PVT1: variants seen among roughly 807,000 people sequenced by gnomAD.
PVT1 encodes the protein Pvt1 oncogene.
chr8:127,893,287 T>A (rs923412341), intron 3 of PVT1, among the ~76,000 whole-genome samples: 2 of 151,858 alleles, frequency 1.3e-5, no homozygotes, highest in Non-Finnish European at 2.9e-5. Flanking sequence ...GTTTTTGTTG[T>A]TTTTTTTGAG....
chr8:127,959,428 T>C (rs2129942015), intron 3 of PVT1, among the ~76,000 whole-genome samples: 1 of 151,810 alleles, frequency 6.6e-6, no homozygotes, highest in African/African-American at 2.4e-5. Flanking sequence ...CTACTAAAAA[T>C]ACAAAAATTA....
In PVT1 at chr8:127,853,924, C is replaced by T. The variant is rs574860200; in HGVS notation, n.373-36665C>T. ...AGCTTTTCACTGACCCTTCCTTTAC[C>T]CCCGCCCCCATCCCGTGGCCCTTGC... On this transcript the variant is annotated intron_variant and non_coding_transcript_variant, in intron 2 of 10. Coordinates refer to ENST00000651587, the Ensembl canonical transcript of PVT1. 1.8e-4 allele frequency among the ~76,000 whole-genome samples: 27 copies of T among 152,298 alleles called. 1 individual carries two copies. In the South Asian group the frequency reaches 5.6e-3, roughly 32 times the overall value.
chr8:127,950,808 C>T (rs1816497295), intron 3 of PVT1, among the ~76,000 whole-genome samples: 1 of 152,228 alleles, frequency 6.6e-6, no homozygotes, highest in African/African-American at 2.4e-5. Context: ...GCTAACAGCT[C>T]AGTCTGCTCA....
intron 3 of PVT1, among the ~76,000 whole-genome samples, chr8:127,954,037 C>G (rs1816539514): frequency 6.6e-6 from 1 of 152,136 alleles, no homozygotes; most frequent in Non-Finnish European, 1.5e-5. Context: ...TAAGGCACAA[C>G]CATATGCAAA....
intron 4 of PVT1, among the ~76,000 whole-genome samples, chr8:128,027,648 T>G (rs1813327444): frequency 6.6e-6 from 1 of 152,178 alleles, no homozygotes. Context: ...GAAGAGACCC[T>G]GGGTTCTTGC....
At chr8:127,852,896 G>A (rs544709347) in intron 2 of PVT1, among the ~76,000 whole-genome samples, 38 of 152,280 alleles carry the variant, frequency 2.5e-4, no homozygotes, top group African/African-American at 7.5e-4. Flanking sequence ...CCTCTGTGGC[G>A]CCTTGCACTG....
At chr8:127,814,574 A>G (rs1814637954) in intron 2 of PVT1, among the ~76,000 whole-genome samples, 1 of 152,202 alleles carries the variant, frequency 6.6e-6, no homozygotes, top group African/African-American at 2.4e-5. Flanking sequence ...CTTTGAGGGG[A>G]CTGACAGGAT....
rs1211112573 is a variant in PVT1, at chr8:127,970,290, T to TG, written n.783-18872_783-18871insG. 3.1e-3 allele frequency among the ~76,000 whole-genome samples: 213 copies of TG among 69,334 alleles called. 5 individuals are homozygous for TG. The highest frequency in any genetic ancestry group is 0.014 in the African/African-American group (200 of 14,642). 45.5% of individuals were successfully genotyped at this position (69,334 alleles called of 152,430 possible). On this transcript the variant is annotated intron_variant and non_coding_transcript_variant, in intron 3 of 10. Transcript: ENST00000651587. ...ATTCCTCTCCATCTGCCATGATTTG[T>TG]TTTTTTTTTTTTTTTTTTTTTTTTT...
intron 4 of PVT1, among the ~76,000 whole-genome samples, chr8:127,991,274 C>T (rs1817037437): frequency 6.6e-6 from 1 of 151,756 alleles, no homozygotes; most frequent in Admixed American, 6.6e-5. Flanking sequence ...TCTTGAGTAG[C>T]TGGGACTACA....
intron 2 of PVT1, among the ~76,000 whole-genome samples, chr8:127,826,621 A>G (rs868779041): frequency 6.6e-5 from 10 of 152,210 alleles, no homozygotes; most frequent in Non-Finnish European, 1.2e-4. Context: ...AGACTTACAT[A>G]TACACACAAG....
chr8:127,983,712 C>T (rs1816909991), intron 3 of PVT1, among the ~76,000 whole-genome samples: 1 of 152,098 alleles, frequency 6.6e-6, no homozygotes, highest in African/African-American at 2.4e-5. Flanking sequence ...AATTATCAAA[C>T]TCAGGAAATT....
chr8:128,079,051 AT>A (rs934169585), intron 5 of PVT1, among the ~76,000 whole-genome samples: 8 of 125,668 alleles, frequency 6.4e-5, no homozygotes, highest in East Asian at 2.3e-4. Context: ...GTGATTTCCA[AT>A]TTTTTTTTCC....
At chr8:127,999,543 C>T (rs1817150425) in intron 4 of PVT1, among the ~76,000 whole-genome samples, 1 of 151,938 alleles carries the variant, frequency 6.6e-6, no homozygotes, top group East Asian at 1.9e-4. Flanking sequence ...CTCACTGCAA[C>T]CTCGCTCTCC....
intron 2 of PVT1, among the ~76,000 whole-genome samples, chr8:127,853,984 C>T (rs1446032832): frequency 6.6e-6 from 1 of 152,138 alleles, no homozygotes; most frequent in African/African-American, 2.4e-5. Context: ...GTTTTCTCTT[C>T]CCGGCTCCTC....
chr8:127,903,898 G>C (rs1407956682), intron 3 of PVT1, among the ~76,000 whole-genome samples: 4 of 152,102 alleles, frequency 2.6e-5, no homozygotes, highest in Non-Finnish European at 5.9e-5. Context: ...GAATTGCTTT[G>C]GTCATTCAGG....
Position 127,861,183 on chromosome 8 carries a change from C to T in PVT1, n.373-29406C>T, listed in dbSNP as rs78170014. On this transcript the variant is annotated intron_variant and non_coding_transcript_variant, in intron 2 of 10. Coordinates refer to ENST00000651587, the Ensembl canonical transcript of PVT1. ...CCCAGCCACCCTTTCATCTAACCAG[C>T]CTTCCACCTAGCTAGGCTTCCAACT... is the stretch of plus-strand genomic sequence containing the variant. Among the ~76,000 whole-genome samples the T allele has an allele frequency of 2.9e-3, 444 of 152,304 alleles. 10 individuals carry two copies. The East Asian group carries it at 0.034, about 12-fold the overall frequency.
At chr8:127,812,876 G>A (rs1209570014) in intron 2 of PVT1, among the ~76,000 whole-genome samples, 1 of 152,052 alleles carries the variant, frequency 6.6e-6, no homozygotes, top group Non-Finnish European at 1.5e-5. Flanking sequence ...TTGTAACTGT[G>A]TCAGGCTCTC....
intron 4 of PVT1, among the ~76,000 whole-genome samples, chr8:128,045,717 G>A (rs11784465): frequency 0.18 from 27,633 of 152,176 alleles, 2,575 homozygotes; most frequent in East Asian, 0.27. Flanking sequence ...CCTGTAAGGC[G>A]TAATGAGGAG....
chr8:128,071,063 T>G (rs1257661288), intron 5 of PVT1, among the ~76,000 whole-genome samples: 3 of 152,188 alleles, frequency 2.0e-5, no homozygotes, highest in African/African-American at 7.2e-5. Context: ...CACTCATACA[T>G]GTCCATTGCT....
Sources: allele counts gnomAD v4.1 joint callset (sites outside exome capture counted in the v4.1 genomes callset), GRCh38; gene constraint gnomAD v4.1.1; transcripts MANE v1.5; gene names NCBI Gene and HGNC (gene_info 2026-07-23, HGNC 2026-07-21).